EDC4: variants seen among roughly 807,000 people sequenced by gnomAD.
EDC4 encodes the protein enhancer of mRNA-decapping protein 4.
EDC4 carries 64 observed loss-of-function variants against 155.8 expected under a neutral mutation model. That is an observed-to-expected ratio of 0.41 (90% CI 0.34 to 0.51). The LOEUF (loss-of-function observed/expected upper bound fraction) is 0.51, where lower values mean the gene tolerates loss of function less well. EDC4 is among the 20% of genes least tolerant of loss of function. EDC4 has a pLI of 0.19. For synonymous variants in EDC4, 684 were observed against 716.8 expected, an observed-to-expected ratio of 0.95 and a Z score of 0.73; for missense variants, 1,303 against 1,812.5, an observed-to-expected ratio of 0.72 and a Z score of 5.10.
In EDC4 at chr16:67,878,962, C is replaced by T. The variant is rs149381932; in HGVS notation, c.1293C>T (p.Leu431=). ...GGAACGTTCTGCCTGTGCAGGTCCT[C>T]TATGTGATGGAGCTGCTGCAAAACC... ...LILSDVQRKV[L]YVMELLQNQE... is the part of the protein sequence containing the mutation. The change falls in exon 12 of 29, where the codon CTC becomes CTT. Residue 431 remains leucine (L), a synonymous_variant. Coordinates refer to ENST00000358933, the MANE Select transcript of EDC4 (RefSeq NM_014329.5). This position sits in a 1 kb window ranked among gnomAD's most constrained non-coding sequence, Gnocchi z 5.2. The T allele has an allele frequency of 1.1e-5, 17 of 1,610,296 alleles. No individual in the cohort carries two copies. The highest frequency in any genetic ancestry group is 6.7e-5 in the African/African-American group (5 of 74,904).
Position 67,873,110 on chromosome 16 carries a change from G to T in EDC4, c.-152G>T. ...GTTGGTGGGGTTGGCGGGGCTCAGC[G>T]ACGCTGCGCGGGTGGCGGTTTGCGA... On this transcript the variant is annotated 5_prime_UTR_variant, in exon 1 of 29. Coordinates refer to ENST00000358933, the MANE Select transcript of EDC4 (RefSeq NM_014329.5). The T allele has an allele frequency of 1.9e-6, 1 of 528,158 alleles. No individual in the cohort carries two copies. Among genetic ancestry groups the T allele is most frequent in the Non-Finnish European group, 3.0e-6 (1 of 329,510 alleles). The allele number at this position is 528,158 out of a possible 1,614,324, so 32.7% of individuals were successfully genotyped here. A position where few individuals can be genotyped will look rare whatever the true frequency, so the allele number is the denominator to read the frequency against.
Position 67,881,923 on chromosome 16 carries a change from G to T in EDC4, c.3005-31G>T. ...TGGCCTGGGAAGGAGTACACGACCT[G>T]CTCCAGGCCCGTTCCTTAGCTATGG... is the stretch of plus-strand genomic sequence containing the variant. On this transcript the variant is annotated intron_variant, in intron 22 of 28. Coordinates refer to ENST00000358933, the MANE Select transcript of EDC4 (RefSeq NM_014329.5). The surrounding 1 kb of genome is among the most constrained non-coding windows in gnomAD (Gnocchi z 5.4). The T allele has an allele frequency of 6.2e-7, 1 of 1,603,326 alleles. No individual in the cohort carries two copies. The highest frequency in any genetic ancestry group is 8.5e-7 in the Non-Finnish European group (1 of 1,172,674).
At chr16:67,874,222 G>A (rs1159557129) in intron 1 of EDC4, among the ~76,000 whole-genome samples, 1 of 152,166 alleles carries the variant, frequency 6.6e-6, no homozygotes, top group Non-Finnish European at 1.5e-5. Flanking sequence ...GAAATAGCAC[G>A]TGTGCAGGCA....
chr16:67,876,420 T>A lies in EDC4; in HGVS notation c.240-68T>A. The A allele has an allele frequency of 6.3e-7, 1 of 1,581,984 alleles. No individual in the cohort carries two copies. The highest frequency in any genetic ancestry group is 8.6e-7 in the Non-Finnish European group (1 of 1,161,722). The stretch of plus-strand genomic sequence containing the variant: ...TCCCCAGTCTGGCTATGTCCTCGCT[T>A]CCTCCCAACCCTGCCCGCTGAGCCT... On this transcript the variant is annotated intron_variant, in intron 2 of 28. Transcript: ENST00000358933. The surrounding 1 kb of genome is among the most constrained non-coding windows in gnomAD (Gnocchi z 5.8).
intron 1 of EDC4, 37 bp from the exon 2 acceptor site, chr16:67,875,908 C>T (rs371472701): frequency 1.9e-5 from 30 of 1,595,120 alleles, no homozygotes; most frequent in South Asian, 5.6e-5. Context: ...GTGGGCAGGT[C>T]GAGCAACCTT....
rs867272449 is a variant in EDC4 at position 67,879,434 on chromosome 16, C to T, written c.1564C>T (p.Arg522Cys). 17 of 1,614,020 alleles carry T rather than the reference C, an allele frequency of 1.1e-5. No individual in the cohort carries two copies. The highest frequency in any genetic ancestry group is 4.0e-5 in the African/African-American group (3 of 74,888). The part of the protein sequence containing the change: ...HTKALQDVQI[R>C]FQPQLNPDVV... ...CAGGGCACTGCAAGATGTGCAGATCCGCTTCCAGCCACAGCTGAACCCTGA... is the reference window on the plus strand; with the variant it reads ...CAGGGCACTGCAAGATGTGCAGATCTGCTTCCAGCCACAGCTGAACCCTGA... The change falls in exon 14 of 29, where the codon CGC (arginine) becomes TGC (cysteine). Residue 522 changes from arginine to cysteine, a missense_variant. Around this residue, in one of 5 missense-constraint regions of EDC4, gnomAD observed 391 missense variants for 445.4 expected, o/e 0.88. Coordinates refer to ENST00000358933, the MANE Select transcript of EDC4 (RefSeq NM_014329.5). The surrounding 1 kb of genome is among the most constrained non-coding windows in gnomAD (Gnocchi z 6.0).
chr16:67,877,309 C>T lies in EDC4; in HGVS notation c.544C>T (p.Leu182=). Reference sequence around the variant, plus strand: ...GGGCTTCACAGGCAGTGTGGCTGATCTGGCTTTCGCGCACCTCAACTCTCC... The same window carrying T: ...GGGCTTCACAGGCAGTGTGGCTGATTTGGCTTTCGCGCACCTCAACTCTCC... ...LKGFTGSVAD[L]AFAHLNSPQL... Residue 182 remains leucine (L), a synonymous_variant, in exon 5 of 29, where the codon CTG becomes TTG. Transcript: ENST00000358933. This position sits in a 1 kb window ranked among gnomAD's most constrained non-coding sequence, Gnocchi z 4.9. 6.2e-7 allele frequency: 1 copy of T among 1,614,208 alleles called. No individual in the cohort carries two copies. Among genetic ancestry groups the T allele is most frequent in the Non-Finnish European group, 8.5e-7 (1 of 1,180,038 alleles).
chr16:67,878,681 G>C lies in EDC4; in HGVS notation c.1184+50G>C. ...GGACTGGGCAGGGGCGGCAGGGTTG[G>C]GAATGTAGCTTCCTTCAGTTCTCAG... On this transcript the variant is annotated intron_variant, in intron 10 of 28. Coordinates refer to ENST00000358933, the MANE Select transcript of EDC4 (RefSeq NM_014329.5). This position sits in a 1 kb window ranked among gnomAD's most constrained non-coding sequence, Gnocchi z 5.2. 1.2e-6 allele frequency: 2 copies of C among 1,614,146 alleles called. No individual in the cohort carries two copies. The highest frequency in any genetic ancestry group is 1.7e-6 in the Non-Finnish European group (2 of 1,180,016).
At position 67,879,710 on chromosome 16, in the gene EDC4, G is replaced by C; in HGVS notation, c.1757G>C (p.Ser586Thr). The change falls in exon 15 of 29, where the codon AGT (serine) becomes ACT (threonine). Residue 586 changes from serine (S) to threonine (T), a missense_variant. Physicochemically the swap from Ser to Thr is moderately conservative, Grantham distance 58 (BLOSUM62 1). Coordinates refer to ENST00000358933, the MANE Select transcript of EDC4 (RefSeq NM_014329.5). This position sits in a 1 kb window ranked among gnomAD's most constrained non-coding sequence, Gnocchi z 6.0. Reference sequence around the variant, plus strand: ...CCTGCCGACTTCCTCAGTCTGAGCAGTGAGACCAAGCCCAAGTTGATGACA... The same window carrying C: ...CCTGCCGACTTCCTCAGTCTGAGCACTGAGACCAAGCCCAAGTTGATGACA... ...PAPADFLSLS[S>T]ETKPKLMTPD... is the part of the protein sequence containing the mutation. 1 of 1,614,166 alleles carries C rather than the reference G, an allele frequency of 6.2e-7. No homozygotes were observed. The highest frequency in any genetic ancestry group is 8.5e-7 in the Non-Finnish European group (1 of 1,180,024).
rs766598095 is a variant in EDC4, at chr16:67,877,505, T to G, written c.642-4T>G. On this transcript the variant is annotated splice_polypyrimidine_tract_variant and splice_region_variant and intron_variant, in intron 5 of 28. Coordinates refer to ENST00000358933, the MANE Select transcript of EDC4 (RefSeq NM_014329.5). The surrounding 1 kb of genome is among the most constrained non-coding windows in gnomAD (Gnocchi z 4.9). ...ATCTATCTAGCCCTTAACACCCTGC[T>G]CAGAGAAGAGATCTTGGTCCATATT... The G allele has an allele frequency of 1.2e-6, 2 of 1,614,150 alleles. No homozygotes were observed. Among genetic ancestry groups the G allele is most frequent in the East Asian group, 4.5e-5 (2 of 44,870 alleles).
chr16:67,875,689 G>GT (rs750505459), intron 1 of EDC4: 14 of 1,281,218 alleles, frequency 1.1e-5, no homozygotes, highest in Non-Finnish European at 1.4e-5. Context: ...CCAGACCTGA[G>GT]TATTCACTGC....
In EDC4 at chr16:67,883,541, A is replaced by C. The variant is rs763925610; in HGVS notation, c.3850-27A>C. 3 of 1,610,454 alleles carry C rather than the reference A, an allele frequency of 1.9e-6. No individual in the cohort carries two copies. The South Asian group carries it at 3.3e-5, about 18-fold the overall frequency. ...GACATTCCATCCTGATATTTGCTAT[A>C]AACACTGCTGCTTTTTTCTCCTCCA... On this transcript the variant is annotated intron_variant, in intron 27 of 28. Transcript: ENST00000358933. The surrounding 1 kb of genome is among the most constrained non-coding windows in gnomAD (Gnocchi z 5.3).
At position 67,880,723 on chromosome 16, in the gene EDC4, G is replaced by A; in HGVS notation, c.2264G>A (p.Gly755Asp). Residue 755 changes from glycine (G) to aspartate (D), a missense_variant, in exon 18 of 29, where the codon GGT (glycine) becomes GAT (aspartate). Gly to Asp is a moderately conservative substitution (Grantham distance 94). Transcript: ENST00000358933. This position sits in a 1 kb window ranked among gnomAD's most constrained non-coding sequence, Gnocchi z 5.2. ...PEIASEALSRGFGSSAPEGLE... is the reference protein window; with the variant it reads ...PEIASEALSRDFGSSAPEGLE... Reference sequence around the variant, plus strand: ...ATTGCATCTGAGGCCCTGTCCCGTGGTTTTGGCTCCTCTGCACCAGAGGGC... The same window carrying A: ...ATTGCATCTGAGGCCCTGTCCCGTGATTTTGGCTCCTCTGCACCAGAGGGC... 1 of 1,614,218 alleles carries A rather than the reference G, an allele frequency of 6.2e-7. No individual in the cohort carries two copies. Among genetic ancestry groups the A allele is most frequent in the South Asian group, 1.1e-5 (1 of 91,090 alleles).
Position 67,877,007 on chromosome 16 carries a change from G to T in EDC4, c.451+35G>T, listed in dbSNP as rs758684827. On this transcript the variant is annotated intron_variant, in intron 4 of 28. Transcript: ENST00000358933. This position sits in a 1 kb window ranked among gnomAD's most constrained non-coding sequence, Gnocchi z 4.9. ...GACAGTGAGGAGGAAGGAATGTTCT[G>T]CTGGATGTCCCACAGAGCCAGTTCC... 2.8e-5 allele frequency: 45 copies of T among 1,610,270 alleles called. No homozygotes were observed. Among genetic ancestry groups the T allele is most frequent in the Middle Eastern group, 1.7e-4 (1 of 6,058 alleles).
intron 1 of EDC4, among the ~76,000 whole-genome samples, chr16:67,873,869 A>G (rs538933669): frequency 1.3e-5 from 2 of 152,300 alleles, no homozygotes; most frequent in South Asian, 4.2e-4. Flanking sequence ...GATGAAGGCA[A>G]ATCACAGACC....
At position 67,881,934 on chromosome 16, in the gene EDC4, G is replaced by A. The variant is rs761133650; in HGVS notation, c.3005-20G>A. 6.9e-6 allele frequency: 11 copies of A among 1,604,166 alleles called. No individual in the cohort carries two copies. Among genetic ancestry groups the A allele is most frequent in the Admixed American group, 1.7e-5 (1 of 58,972 alleles). On this transcript the variant is annotated intron_variant, in intron 22 of 28. Coordinates refer to ENST00000358933, the MANE Select transcript of EDC4 (RefSeq NM_014329.5). This position sits in a 1 kb window ranked among gnomAD's most constrained non-coding sequence, Gnocchi z 5.4. Reference sequence around the variant, plus strand: ...GGAGTACACGACCTGCTCCAGGCCCGTTCCTTAGCTATGGCGCAGAGCGGC... The same window carrying A: ...GGAGTACACGACCTGCTCCAGGCCCATTCCTTAGCTATGGCGCAGAGCGGC...
rs564350880 is a variant in EDC4, at chr16:67,880,118, A to G, written c.1999A>G (p.Met667Val). 57 of 1,612,774 alleles carry G rather than the reference A, an allele frequency of 3.5e-5. 1 individual carries two copies. The South Asian group carries it at 5.1e-4, about 14-fold the overall frequency. Residue 667 changes from methionine to valine, a missense_variant, in exon 17 of 29, where the codon ATG becomes GTG. By Grantham distance (21) the Met-to-Val change is conservative. This residue lies in a region of EDC4 where 391 missense variants were observed against 445.4 expected (regional missense o/e 0.88). Transcript: ENST00000358933. This position sits in a 1 kb window ranked among gnomAD's most constrained non-coding sequence, Gnocchi z 5.2. ...GCTGCAGCTGGATGGCAGCCTGACAATGAGCAGCAGTGGCAGCCTTCAGGC... is the reference window on the plus strand; with the variant it reads ...GCTGCAGCTGGATGGCAGCCTGACAGTGAGCAGCAGTGGCAGCCTTCAGGC... ...PKLQLDGSLT[M>V]SSSGSLQASP...
rs930206533 is a variant in EDC4 at position 67,877,997 on chromosome 16, C to T, written c.894+152C>T. The stretch of plus-strand genomic sequence containing the variant: ...TGGCCCTCACCTGTGCAGCTTTCTC[C>T]TTATCTAGCAGCACCCTGCAGGTCT... On this transcript the variant is annotated intron_variant, in intron 7 of 28. Coordinates refer to ENST00000358933, the MANE Select transcript of EDC4 (RefSeq NM_014329.5). This position sits in a 1 kb window ranked among gnomAD's most constrained non-coding sequence, Gnocchi z 4.9. 2 of 1,482,626 alleles carry T rather than the reference C, an allele frequency of 1.3e-6. No homozygotes were observed. Among genetic ancestry groups the T allele is most frequent in the Admixed American group, 2.1e-5 (1 of 48,064 alleles). The allele number at this position is 1,482,626 out of a possible 1,614,324, so 91.8% of individuals were successfully genotyped here. A position where few individuals can be genotyped will look rare whatever the true frequency, so the allele number is the denominator to read the frequency against.
Position 67,878,074 on chromosome 16 carries a change from C to T in EDC4, c.895-92C>T. 4 of 1,566,682 alleles carry T rather than the reference C, an allele frequency of 2.6e-6. No individual in the cohort carries two copies. In the South Asian group the frequency reaches 4.7e-5, roughly 18 times the overall value. ...TAGTCAGTCACACAAGCATGCCAGT[C>T]CCACCGTGAGTCAGCCCAGCTCATT... is the stretch of plus-strand genomic sequence containing the variant. On this transcript the variant is annotated intron_variant, in intron 7 of 28. Transcript: ENST00000358933. This position sits in a 1 kb window ranked among gnomAD's most constrained non-coding sequence, Gnocchi z 5.2.
Sources: allele counts gnomAD v4.1 joint callset (sites outside exome capture counted in the v4.1 genomes callset), GRCh38; gene constraint gnomAD v4.1.1; regional missense constraint gnomAD v4.1.1; non-coding constraint Gnocchi (gnomAD v3.1); transcripts MANE v1.5; gene names NCBI Gene and HGNC (gene_info 2026-07-23, HGNC 2026-07-21).